Variants in MBNL3 observed in about 807,000 individuals in gnomAD.
The protein encoded by MBNL3 is muscleblind-like protein 3.
MBNL3 carries 6 observed loss-of-function variants against 24.5 expected under a neutral mutation model. That is an observed-to-expected ratio of 0.25 (90% CI 0.13 to 0.48). MBNL3 has a LOEUF of 0.48. MBNL3 is among the 20% of genes least tolerant of loss of function. MBNL3 has a pLI of 0.99. For synonymous variants in MBNL3, 100 were observed against 101.7 expected, an observed-to-expected ratio of 0.98 and a Z score of 0.10; for missense variants, 230 against 293.5, an observed-to-expected ratio of 0.78 and a Z score of 1.58.
In MBNL3 at chrX:132,369,470, A is replaced by G. The variant is rs1933424964; in HGVS notation, c.*10196T>C. The G allele has an allele frequency of 9.0e-6, 1 of 111,659 alleles. No individual in the cohort carries two copies. Among genetic ancestry groups the G allele is most frequent in the Admixed American group, 9.5e-5 (1 of 10,532 alleles). The allele number at this position is 111,659 out of a possible 1,213,427, so 9.2% of individuals were successfully genotyped here. On this transcript the variant is annotated 3_prime_UTR_variant, in exon 9 of 9. Coordinates refer to ENST00000370853, the MANE Select transcript of MBNL3 (RefSeq NM_001386889.1). ...CCAACAAAGAGTCATTCAATTCTTC[A>G]TGTCATGAAGGTTAAAGGCAAAGTC...
At position 132,406,317 on chromosome X, in the gene MBNL3, G is replaced by A. The variant is rs762807907; in HGVS notation, c.253C>T (p.Arg85Trp). 13 of 1,211,238 alleles carry A rather than the reference G, an allele frequency of 1.1e-5. No individual in the cohort carries two copies. The highest frequency in any genetic ancestry group is 1.5e-5 in the Non-Finnish European group (13 of 895,133). The change falls in exon 3 of 9, where the codon CGG (arginine) becomes TGG (tryptophan). Residue 85 changes from arginine (R) to tryptophan (W), a missense_variant. Physicochemically the swap from Arg to Trp is moderately radical, Grantham distance 101. Transcript: ENST00000370853. ...HLKTQLEING[R>W]NNLIQQKTAA... is the part of the protein sequence containing the mutation. ...GTCTTCTGTTGAATCAGATTGTTCC[G>A]CCCATTAATCTCCAGCTGCGTTTTT... is the stretch of plus-strand genomic sequence containing the variant.
intron 1 of MBNL3, among the ~76,000 whole-genome samples, chrX:132,469,493 A>G (rs1485103507): frequency 8.9e-6 from 1 of 112,450 alleles, no homozygotes; most frequent in Non-Finnish European, 1.9e-5. Flanking sequence ...CTGTAAGAAC[A>G]GAGATAGTTG....
intron 2 of MBNL3, among the ~76,000 whole-genome samples, chrX:132,409,668 G>A (rs907999365): frequency 9.0e-6 from 1 of 111,255 alleles, no homozygotes; most frequent in Non-Finnish European, 1.9e-5. Flanking sequence ...CTCTGTAAAC[G>A]TACCTACAAC....
At chrX:132,404,838 T>C (rs1416085706) in intron 3 of MBNL3, among the ~76,000 whole-genome samples, 1 of 112,071 alleles carries the variant, frequency 8.9e-6, no homozygotes, top group East Asian at 2.8e-4. Flanking sequence ...ACTATATACA[T>C]ATTTCAACTT....
intron 1 of MBNL3, among the ~76,000 whole-genome samples, chrX:132,466,582 C>T (rs200916539): frequency 1.8e-5 from 2 of 111,803 alleles, no homozygotes; most frequent in East Asian, 5.6e-4. Context: ...TAGAGAGGGC[C>T]TTGGGAGGTT....
At chrX:132,382,105 A>C in intron 8 of MBNL3, 73 bp downstream of exon 8, 1 of 903,456 alleles carries the variant, frequency 1.1e-6, no homozygotes, top group Non-Finnish European at 1.5e-6. Flanking sequence ...TCACCAATCC[A>C]AAAAGCATAT....
intron 2 of MBNL3, among the ~76,000 whole-genome samples, chrX:132,418,086 T>C (rs1943460344): frequency 8.9e-6 from 1 of 112,342 alleles, no homozygotes; most frequent in South Asian, 3.7e-4. Context: ...TAGCTCATGT[T>C]ACTTGGCATG....
chrX:132,467,462 T>A (rs1946948811), intron 1 of MBNL3, among the ~76,000 whole-genome samples: 1 of 112,190 alleles, frequency 8.9e-6, no homozygotes, highest in Admixed American at 9.5e-5. Context: ...AAGTTCTGAT[T>A]AAAAATTAAT....
At chrX:132,411,046 T>C (rs1434296137) in intron 2 of MBNL3, 2 of 582,546 alleles carry the variant, frequency 3.4e-6, no homozygotes, top group Non-Finnish European at 4.1e-6. Flanking sequence ...AAATGTGAGA[T>C]GCAGGCAAGA....
At chrX:132,380,853 C>A (rs1276521498) in intron 8 of MBNL3, among the ~76,000 whole-genome samples, 1 of 110,373 alleles carries the variant, frequency 9.1e-6, no homozygotes. Flanking sequence ...AAAAATCCCA[C>A]AACAACAAAA....
chrX:132,414,903 T>A (rs112669487), intron 2 of MBNL3, among the ~76,000 whole-genome samples: 35 of 111,081 alleles, frequency 3.2e-4, no homozygotes, highest in African/African-American at 1.1e-3. Context: ...CCATCCCTGA[T>A]CTCCCAAAAG....
intron 2 of MBNL3, chrX:132,430,255 C>T (rs746554382): frequency 9.0e-6 from 1 of 111,202 alleles, no homozygotes; most frequent in Non-Finnish European, 1.9e-5. Context: ...ACAAAAAAAT[C>T]GCAAAAATAA....
At chrX:132,385,519 T>C (rs1369799266) in intron 6 of MBNL3, among the ~76,000 whole-genome samples, 1 of 111,477 alleles carries the variant, frequency 9.0e-6, no homozygotes, top group East Asian at 2.8e-4. Context: ...TGGTTTTCTC[T>C]TTTACTCTGT....
intron 7 of MBNL3, 79 bp downstream of exon 7, chrX:132,384,584 C>A: frequency 1.1e-6 from 1 of 896,575 alleles, no homozygotes; most frequent in South Asian, 2.3e-5. Context: ...ATCTTTCAGT[C>A]ATTCATCTTT....
At chrX:132,427,194 GA>G (rs1469329993) in intron 2 of MBNL3, among the ~76,000 whole-genome samples, 1 of 111,492 alleles carries the variant, frequency 9.0e-6, no homozygotes, top group African/African-American at 3.3e-5. Flanking sequence ...GTTCACCCAA[GA>G]AAAAGGTATT....
intron 1 of MBNL3, among the ~76,000 whole-genome samples, chrX:132,480,100 A>G (rs1237170595): frequency 9.0e-6 from 1 of 111,451 alleles, no homozygotes; most frequent in Non-Finnish European, 1.9e-5. Flanking sequence ...TCAATGCCAA[A>G]CTGTTCACAC....
intron 1 of MBNL3, among the ~76,000 whole-genome samples, chrX:132,447,636 C>G (rs1447250222): frequency 8.9e-6 from 1 of 112,064 alleles, no homozygotes; most frequent in Non-Finnish European, 1.9e-5. Flanking sequence ...TGCTTATCAG[C>G]TTAAGGAGAT....
chrX:132,390,275 A>C (rs1308672608), intron 5 of MBNL3, among the ~76,000 whole-genome samples: 1 of 103,537 alleles, frequency 9.7e-6, no homozygotes, highest in Non-Finnish European at 2.0e-5. Context: ...CAAAAAAAAA[A>C]AAAAAAAAAA....
rs1486890814 is a variant in MBNL3, at chrX:132,471,823, G to C, written c.-704+17028C>G. Among the ~76,000 whole-genome samples the C allele has an allele frequency of 4.4e-5, 5 of 112,906 alleles. No individual in the cohort carries two copies. In the Admixed American group the frequency reaches 4.7e-4, roughly 11 times the overall value. ...TGCAGGGGGGAAGGGAAGATATTTA[G>C]CACTTAGGATGCCCTGTTACAAAGT... On this transcript the variant is annotated intron_variant, in intron 1 of 8. Transcript: ENST00000370853.
Sources: allele counts gnomAD v4.1 joint callset (sites outside exome capture counted in the v4.1 genomes callset), GRCh38; gene constraint gnomAD v4.1.1; transcripts MANE v1.5; gene names NCBI Gene and HGNC (gene_info 2026-07-23, HGNC 2026-07-21).